Variants in GPR137C observed in about 807,000 individuals in gnomAD.
The protein encoded by GPR137C is G protein-coupled receptor 137C.
A neutral mutation model predicts 43.4 loss-of-function variants in GPR137C; 27 were observed. That is an observed-to-expected ratio of 0.62 (90% CI 0.46 to 0.86). GPR137C has a LOEUF of 0.86. GPR137C is among the 40% of genes least tolerant of loss of function. The probability of loss-of-function intolerance (pLI) is 0.00; values close to 1 mark genes in which losing one functional copy is unlikely to be tolerated. For missense variants in GPR137C, 522 were observed against 534.6 expected, an observed-to-expected ratio of 0.98 and a Z score of 0.23; for synonymous variants, 285 against 226.9, an observed-to-expected ratio of 1.26 and a Z score of -2.30.
intron 3 of GPR137C, among the ~76,000 whole-genome samples, chr14:52,605,096 G>A (rs1198617834): frequency 2.6e-5 from 4 of 152,152 alleles, no homozygotes; most frequent in Non-Finnish European, 5.9e-5. Flanking sequence ...TTTGAAGAAT[G>A]TAATTGCTAT....
At chr14:52,586,544 C>G (rs1012172001) in intron 1 of GPR137C, among the ~76,000 whole-genome samples, 3 of 152,186 alleles carry the variant, frequency 2.0e-5, no homozygotes, top group African/African-American at 4.8e-5. Context: ...CTGCTGTTTT[C>G]TATGACTAGT....
chr14:52,608,934 C>T (rs1051047223), intron 3 of GPR137C, among the ~76,000 whole-genome samples: 2 of 152,070 alleles, frequency 1.3e-5, no homozygotes, highest in Non-Finnish European at 2.9e-5. Flanking sequence ...TGATTGGTGA[C>T]CTTTGACTTT....
intron 3 of GPR137C, among the ~76,000 whole-genome samples, chr14:52,621,541 A>G (rs912959564): frequency 6.6e-6 from 1 of 152,002 alleles, no homozygotes; most frequent in Non-Finnish European, 1.5e-5. Context: ...AAATATGATT[A>G]TGCAAAACAA....
chr14:52,623,725 C>T (rs867801379), intron 3 of GPR137C, among the ~76,000 whole-genome samples: 13 of 151,800 alleles, frequency 8.6e-5, no homozygotes, highest in African/African-American at 2.7e-4. Context: ...GTTCATTTGA[C>T]GTAGATTCCT....
chr14:52,568,263 C>G (rs2038403984), intron 1 of GPR137C, among the ~76,000 whole-genome samples: 1 of 152,160 alleles, frequency 6.6e-6, no homozygotes, highest in African/African-American at 2.4e-5. Context: ...AAAAATGGTG[C>G]ATTCCAGCTC....
chr14:52,634,758 A>G (rs529130938), intron 6 of GPR137C, among the ~76,000 whole-genome samples, 180 bp from the exon 7 acceptor site: 4 of 152,296 alleles, frequency 2.6e-5, no homozygotes, highest in Admixed American at 2.0e-4. Flanking sequence ...AGAATCCAGG[A>G]TATTAGATAA....
chr14:52,610,535 G>C (rs6572854), intron 3 of GPR137C, among the ~76,000 whole-genome samples: 142,977 of 152,252 alleles, frequency 0.94, 67,172 homozygotes, highest in East Asian at 0.99. Context: ...TAATTTCTTA[G>C]TATGCCTGAT....
intron 3 of GPR137C, among the ~76,000 whole-genome samples, chr14:52,610,484 A>G (rs1052684617): frequency 1.3e-5 from 2 of 152,214 alleles, no homozygotes; most frequent in African/African-American, 4.8e-5. Context: ...ACCTTTTATT[A>G]CAGCATTTTG....
Position 52,635,091 on chromosome 14 carries a change from CT to C in GPR137C, c.1268del (p.Leu423TyrfsTer3). ...ATTTAGATTTGAACAATCATCATAGCTTATATGTGACACCACAAAACTGACA... is the reference window on the plus strand; with the variant it reads ...ATTTAGATTTGAACAATCATCATAGCTATATGTGACACCACAAAACTGACA... ...SNLDLNNHHSLYVTPQN is the reference protein window; with the variant it reads ...SNLDLNNHHSXYVTPQN On this transcript the variant is annotated frameshift_variant, in exon 7 of 7. Transcript: ENST00000321662. LOFTEE classifies it high-confidence loss of function. 1 of 1,582,034 alleles carries C rather than the reference CT, an allele frequency of 6.3e-7. No individual in the cohort carries two copies. Among genetic ancestry groups the C allele is most frequent in the Non-Finnish European group, 8.6e-7 (1 of 1,168,234 alleles).
At chr14:52,605,616 T>C (rs2038975547) in intron 3 of GPR137C, among the ~76,000 whole-genome samples, 1 of 152,246 alleles carries the variant, frequency 6.6e-6, no homozygotes, top group Non-Finnish European at 1.5e-5. Context: ...GGCATCCTTA[T>C]GTTGTTCCAG....
At chr14:52,579,552 T>G (rs924389704) in intron 1 of GPR137C, among the ~76,000 whole-genome samples, 4 of 152,210 alleles carry the variant, frequency 2.6e-5, no homozygotes, top group Non-Finnish European at 5.9e-5. Flanking sequence ...AATCATACAT[T>G]GTGTTGGGTG....
chr14:52,591,485 A>G (rs2038783845), intron 1 of GPR137C, among the ~76,000 whole-genome samples: 2 of 152,176 alleles, frequency 1.3e-5, no homozygotes, highest in African/African-American at 4.8e-5. Flanking sequence ...CCTCTCCAGC[A>G]TCTGTTGTTT....
At chr14:52,583,338 A>T (rs897985115) in intron 1 of GPR137C, among the ~76,000 whole-genome samples, 6 of 152,212 alleles carry the variant, frequency 3.9e-5, no homozygotes, top group Admixed American at 3.9e-4. Context: ...CTTGGAATCT[A>T]TTAATAGCAG....
chr14:52,617,388 A>T lies in GPR137C; in HGVS notation c.718-14772A>T, dbSNP rs150155853. Among the ~76,000 whole-genome samples the T allele has an allele frequency of 3.9e-5, 6 of 152,240 alleles. No individual in the cohort carries two copies. In the East Asian group the frequency reaches 1.2e-3, roughly 29 times the overall value. The stretch of plus-strand genomic sequence containing the variant: ...AGAGAGTGTATTAAGTGATTAAAAG[A>T]TGGAAACTGGCCGGGCGCGGGGGCT... On this transcript the variant is annotated intron_variant, in intron 3 of 6. Transcript: ENST00000321662.
chr14:52,580,448 C>T (rs561046531), intron 1 of GPR137C, among the ~76,000 whole-genome samples: 2 of 152,226 alleles, frequency 1.3e-5, no homozygotes, highest in South Asian at 2.1e-4. Context: ...CTGCAATCTT[C>T]GCCTCTGGGC....
In GPR137C at chr14:52,636,625, T is replaced by A. The variant is rs1189331269; in HGVS notation, c.*1510T>A. On this transcript the variant is annotated 3_prime_UTR_variant, in exon 7 of 7. Coordinates refer to ENST00000321662, the MANE Select transcript of GPR137C (RefSeq NM_001099652.2). Reference sequence around the variant, plus strand: ...CTGATACAATAACTTCATAAAAGTATAACACTAGGTTGAAACCTTAAGGAA... The same window carrying A: ...CTGATACAATAACTTCATAAAAGTAAAACACTAGGTTGAAACCTTAAGGAA... The A allele has an allele frequency of 1.3e-5, 2 of 152,184 alleles. No individual in the cohort carries two copies. Among genetic ancestry groups the A allele is most frequent in the African/African-American group, 4.8e-5 (2 of 41,472 alleles). 9.4% of individuals were successfully genotyped at this position (152,184 alleles called of 1,614,324 possible).
At chr14:52,562,517 G>A (rs183390331) in intron 1 of GPR137C, among the ~76,000 whole-genome samples, 183 of 152,266 alleles carry the variant, frequency 1.2e-3, no homozygotes, top group Admixed American at 2.4e-3. Flanking sequence ...CAGCTACTCA[G>A]GAGGCTGAGG....
chr14:52,564,807 T>A (rs2038341737), intron 1 of GPR137C, among the ~76,000 whole-genome samples: 1 of 152,182 alleles, frequency 6.6e-6, no homozygotes, highest in South Asian at 2.1e-4. Flanking sequence ...AAATATTGAA[T>A]GAAGTTCTTG....
At chr14:52,568,921 C>A (rs972932971) in intron 1 of GPR137C, among the ~76,000 whole-genome samples, 20 of 152,180 alleles carry the variant, frequency 1.3e-4, no homozygotes, top group African/African-American at 4.8e-4. Flanking sequence ...CAGCGGATCT[C>A]CCAGCACAGC....
Sources: allele counts gnomAD v4.1 joint callset (sites outside exome capture counted in the v4.1 genomes callset), GRCh38; gene constraint gnomAD v4.1.1; transcripts MANE v1.5; gene names NCBI Gene and HGNC (gene_info 2026-07-23, HGNC 2026-07-21).